GRIP2: variants seen among roughly 807,000 people sequenced by gnomAD.
The protein encoded by GRIP2 is glutamate receptor-interacting protein 2.
GRIP2 carries 58 observed loss-of-function variants against 108.3 expected under a neutral mutation model. The ratio of observed to expected loss-of-function variants is 0.54; its 90% CI spans 0.43 to 0.67. The LOEUF is 0.67. Ranked by LOEUF, GRIP2 falls within the 30% of genes least tolerant of loss-of-function variation. The pLI is 0.00. For missense variants in GRIP2, 1,278 were observed against 1,430.6 expected, an observed-to-expected ratio of 0.89 and a Z score of 1.72; for synonymous variants, 586 against 598.2, an observed-to-expected ratio of 0.98 and a Z score of 0.30.
In GRIP2 at chr3:14,503,651, CGG is replaced by C; in HGVS notation, c.2592_2593del (p.Glu866GlyfsTer86). 2.2e-6 allele frequency: 3 copies of C among 1,360,802 alleles called. No individual in the cohort carries two copies. Among genetic ancestry groups the C allele is most frequent in the Non-Finnish European group, 2.9e-6 (3 of 1,025,884 alleles). 84.3% of individuals were successfully genotyped at this position (1,360,802 alleles called of 1,614,324 possible). A position where few individuals can be genotyped will look rare whatever the true frequency, so the allele number is the denominator to read the frequency against. Reference sequence around the variant, plus strand: ...AAACATGCGCCAGAAGCCCTCCTCTCGGGCAGGGCCAGGGGCTGGGCTGTAAC... The same window carrying C: ...AAACATGCGCCAGAAGCCCTCCTCTCGCAGGGCCAGGGGCTGGGCTGTAAC... On this transcript the variant is annotated frameshift_variant, in exon 21 of 24. Transcript: ENST00000621039. LOFTEE classifies it high-confidence loss of function.
In GRIP2 at chr3:14,507,554, A is replaced by C. The variant is rs766757409; in HGVS notation, c.2218+7T>G. 3 of 1,611,412 alleles carry C rather than the reference A, an allele frequency of 1.9e-6. No homozygotes were observed. The highest frequency in any genetic ancestry group is 2.5e-6 in the Non-Finnish European group (3 of 1,177,664). On this transcript the variant is annotated splice_region_variant and intron_variant, in intron 18 of 23. Transcript: ENST00000621039. The surrounding 1 kb of genome is among the most constrained non-coding windows in gnomAD (Gnocchi z 4.6). ...GGGTGGCTCCCAGGGGATGAAGCGA[A>C]TCTCACGGTCTAGTTGCTTCTTGAT...
chr3:14,525,567 A>G lies in GRIP2; in HGVS notation c.127T>C (p.Phe43Leu), dbSNP rs1694531864. 5 of 1,613,410 alleles carry G rather than the reference A, an allele frequency of 3.1e-6. No homozygotes were observed. In the African/African-American group the frequency reaches 6.7e-5, roughly 22 times the overall value. The change falls in exon 3 of 24, where the codon TTC (phenylalanine) becomes CTC (leucine). Residue 43 changes from phenylalanine to leucine, a missense_variant. By Grantham distance (22) the Phe-to-Leu change is conservative (BLOSUM62 0). Transcript: ENST00000621039. ...ACRRQSIPEEFRGITVVELIK... is the reference protein window; with the variant it reads ...ACRRQSIPEELRGITVVELIK... ...AGCTCCACCACAGTGATCCCTCGGA[A>G]CTCCTCTGCCAACAGATGGGGATGG...
the GRIP2 span, chr3:14,572,915 G>C: frequency 7.6e-7 from 1 of 1,315,490 alleles, no homozygotes; most frequent in Non-Finnish European, 1.1e-6. Context: ...TGCAGGTGAG[G>C]AACTCACACC....
At chr3:14,573,947 G>A in the GRIP2 span, 7 of 1,091,106 alleles carry the variant, frequency 6.4e-6, no homozygotes, top group East Asian at 1.0e-4. Flanking sequence ...CGCGCCCTGC[G>A]CGAATGAAGC....
upstream of GRIP2, among the ~76,000 whole-genome samples, chr3:14,559,072 C>A (rs146106566): frequency 6.6e-6 from 1 of 152,126 alleles, no homozygotes; most frequent in African/African-American, 2.4e-5. Flanking sequence ...CCAGCCTGCC[C>A]GGGTTCAAAT....
Position 14,512,659 on chromosome 3 carries a change from T to C in GRIP2, c.1720+118A>G, listed in dbSNP as rs1694130348. 2.1e-6 allele frequency: 2 copies of C among 950,930 alleles called. No individual in the cohort carries two copies. Among genetic ancestry groups the C allele is most frequent in the Non-Finnish European group, 3.2e-6 (2 of 628,528 alleles). The allele number at this position is 950,930 out of a possible 1,614,324, so 58.9% of individuals were successfully genotyped here. A position where few individuals can be genotyped will look rare whatever the true frequency, so the allele number is the denominator to read the frequency against. On this transcript the variant is annotated intron_variant, in intron 14 of 23. Transcript: ENST00000621039. This position sits in a 1 kb window ranked among gnomAD's most constrained non-coding sequence, Gnocchi z 5.1. ...CCAGCCTCCCCACACCCCCAAGCCT[T>C]TTCCTCGGGCCCCGCAGGGTGTCAC...
chr3:14,526,473 C>T (rs1229844341), intron 1 of GRIP2, among the ~76,000 whole-genome samples: 14 of 152,180 alleles, frequency 9.2e-5, no homozygotes, highest in Admixed American at 9.2e-4. Context: ...ATTAATGCTT[C>T]CTCATGAGGA....
At chr3:14,573,473 C>A in the GRIP2 span, 21 of 1,542,510 alleles carry the variant, frequency 1.4e-5, no homozygotes, top group Non-Finnish European at 1.8e-5. Context: ...GGTCAGGCAC[C>A]TCAGGGTTGA....
At chr3:14,526,184 T>C (rs1694549909) in intron 1 of GRIP2, among the ~76,000 whole-genome samples, 2 of 152,248 alleles carry the variant, frequency 1.3e-5, no homozygotes, top group African/African-American at 4.8e-5. Context: ...ACAGCCATTC[T>C]GTGGTTCACT....
the GRIP2 span, among the ~76,000 whole-genome samples, chr3:14,596,609 C>T: frequency 6.6e-6 from 1 of 152,144 alleles, no homozygotes; most frequent in African/African-American, 2.4e-5. Context: ...ACAGTCCTCA[C>T]AGCACTCACT....
At chr3:14,585,171 C>T in the GRIP2 span, among the ~76,000 whole-genome samples, 121 of 152,260 alleles carry the variant, frequency 7.9e-4, no homozygotes, top group African/African-American at 2.6e-3. Flanking sequence ...TACACTCACC[C>T]GCCACCATGC....
At chr3:14,506,642 C>T (rs920378953) in intron 19 of GRIP2, among the ~76,000 whole-genome samples, 159 bp downstream of exon 19, 1 of 152,176 alleles carries the variant, frequency 6.6e-6, no homozygotes, top group Non-Finnish European at 1.5e-5. Context: ...GAGTGGCTTA[C>T]GGAGCCAAAT....
At chr3:14,555,139 G>T (rs1475262464) in intron 1 of GRIP2, among the ~76,000 whole-genome samples, 1 of 152,056 alleles carries the variant, frequency 6.6e-6, no homozygotes, top group Non-Finnish European at 1.5e-5. Context: ...CTGAGGGGCT[G>T]AGCATGTGTC....
chr3:14,533,787 T>A (rs1201625988), intron 1 of GRIP2, among the ~76,000 whole-genome samples: 1 of 152,222 alleles, frequency 6.6e-6, no homozygotes, highest in African/African-American at 2.4e-5. Flanking sequence ...CGGAGTCTGC[T>A]GGTCTCAACA....
rs935362544 is a variant in GRIP2, at chr3:14,492,479, G to T, written c.*1186C>A. The T allele has an allele frequency of 5.9e-5, 9 of 152,262 alleles. No homozygotes were observed. The highest frequency in any genetic ancestry group is 1.3e-4 in the Non-Finnish European group (9 of 68,076). The allele number at this position is 152,262 out of a possible 1,614,324, so 9.4% of individuals were successfully genotyped here. ...GGGTCTCTGATTTGTGGACACTGAGGACAATGATTTTAAGGGATGCTGGTG... is the reference window on the plus strand; with the variant it reads ...GGGTCTCTGATTTGTGGACACTGAGTACAATGATTTTAAGGGATGCTGGTG... On this transcript the variant is annotated 3_prime_UTR_variant, in exon 24 of 24. Transcript: ENST00000621039.
upstream of GRIP2, chr3:14,556,164 G>C (rs1002545185): frequency 5.1e-6 from 2 of 394,184 alleles, no homozygotes; most frequent in African/African-American, 4.1e-5. Context: ...TTCCTCCAAA[G>C]CAGCCGGGCC....
intron 9 of GRIP2, among the ~76,000 whole-genome samples, chr3:14,519,386 C>T (rs1300374011): frequency 1.3e-5 from 2 of 152,230 alleles, no homozygotes; most frequent in Non-Finnish European, 2.9e-5. Flanking sequence ...TGTGCCTTGT[C>T]CTTTATCTCC....
At chr3:14,601,330 T>C in the GRIP2 span, among the ~76,000 whole-genome samples, 1 of 152,088 alleles carries the variant, frequency 6.6e-6, no homozygotes, top group Non-Finnish European at 1.5e-5. Context: ...AAGTTAGTGG[T>C]GGGCACCTGG....
At chr3:14,527,415 C>T (rs1161675119) in intron 1 of GRIP2, among the ~76,000 whole-genome samples, 7 of 126,806 alleles carry the variant, frequency 5.5e-5, no homozygotes, top group South Asian at 2.6e-4. Context: ...AGAAGGAAAG[C>T]GAGGGGAGGG....
Sources: allele counts gnomAD v4.1 joint callset (sites outside exome capture counted in the v4.1 genomes callset), GRCh38; gene constraint gnomAD v4.1.1; non-coding constraint Gnocchi (gnomAD v3.1); transcripts MANE v1.5; gene names NCBI Gene and HGNC (gene_info 2026-07-23, HGNC 2026-07-21).